Variants in SHTN1 observed in about 807,000 individuals in gnomAD.
The protein encoded by SHTN1 is shootin-1.
A neutral mutation model predicts 83.1 loss-of-function variants in SHTN1; 42 were observed. The observed-to-expected ratio is 0.51, with a 90% CI of 0.39 to 0.65. The LOEUF is 0.65. Among genes scored for constraint, SHTN1 ranks in the 30% least tolerant of loss-of-function variants. The probability of loss-of-function intolerance (pLI) is 0.00; values close to 1 mark genes in which losing one functional copy is unlikely to be tolerated. For synonymous variants in SHTN1, 224 were observed against 247.7 expected (o/e 0.90, Z 0.90); for missense variants, 622 against 737.8 (o/e 0.84, Z 1.82).
intron 1 of SHTN1, among the ~76,000 whole-genome samples, chr10:117,083,890 C>T (rs1284344449): frequency 6.6e-6 from 1 of 151,704 alleles, no homozygotes; most frequent in Non-Finnish European, 1.5e-5. Flanking sequence ...TGGTTTTCAG[C>T]TCCATCAGCT....
At chr10:116,973,893 C>G in intron 2 of SHTN1, 1 of 1,285,484 alleles carries the variant, frequency 7.8e-7, no homozygotes, top group Non-Finnish European at 1.0e-6. Flanking sequence ...AAAGGACCAT[C>G]AATTCATTTT....
At chr10:117,092,026 C>G (rs1853437145) in intron 1 of SHTN1, among the ~76,000 whole-genome samples, 1 of 152,098 alleles carries the variant, frequency 6.6e-6, no homozygotes, top group Admixed American at 6.5e-5. Context: ...TATTCTCAAC[C>G]CCTTATAAAT....
At chr10:116,959,918 T>C (rs1850121007) in intron 4 of SHTN1, among the ~76,000 whole-genome samples, 1 of 152,212 alleles carries the variant, frequency 6.6e-6, no homozygotes, top group African/African-American at 2.4e-5. Flanking sequence ...AATACTCACA[T>C]ACAAATGCTC....
intron 1 of SHTN1, among the ~76,000 whole-genome samples, chr10:117,052,699 T>C (rs1317427905): frequency 6.6e-6 from 1 of 151,924 alleles, no homozygotes; most frequent in African/African-American, 2.4e-5. Context: ...CAAGAGATGC[T>C]GAAACAACTG....
chr10:116,949,004 A>G lies in SHTN1; in HGVS notation c.535-7T>C. The G allele has an allele frequency of 1.3e-6, 2 of 1,545,170 alleles. No homozygotes were observed. Among genetic ancestry groups the G allele is most frequent in the Non-Finnish European group, 1.7e-6 (2 of 1,146,072 alleles). On this transcript the variant is annotated splice_region_variant and splice_polypyrimidine_tract_variant and intron_variant, in intron 6 of 16. Coordinates refer to ENST00000355371, the MANE Select transcript of SHTN1 (RefSeq NM_001127211.3). ...CTTGTTTAACTTTATTTACCTAAAA[A>G]TGTGAAATTTTGAGGGGAGAAAACA...
chr10:116,936,456 A>C (rs1849166069), intron 9 of SHTN1, among the ~76,000 whole-genome samples: 1 of 152,214 alleles, frequency 6.6e-6, no homozygotes, highest in Admixed American at 6.5e-5. Flanking sequence ...CAGGTTGTTC[A>C]GTTTCCAGAT....
At chr10:116,903,645 T>C (rs938797648) in intron 15 of SHTN1, among the ~76,000 whole-genome samples, 1 of 152,072 alleles carries the variant, frequency 6.6e-6, no homozygotes, top group South Asian at 2.1e-4. Context: ...TTCCTGAAAA[T>C]ATAAATACGA....
rs770883998 is a variant in SHTN1 at position 116,963,972 on chromosome 10, TG to T, written c.173-3743del. Among the ~76,000 whole-genome samples, 258 of 77,500 alleles carry T rather than the reference TG, an allele frequency of 3.3e-3. 3 individuals carry two copies. The highest frequency in any genetic ancestry group is 6.8e-3 in the Middle Eastern group (1 of 146). The allele number at this position is 77,500 out of a possible 152,430, so 50.8% of individuals were successfully genotyped here. ...AGTACACATCACATTGTAGGGTAAC[TG>T]TTTTTTTTTTTTTTTACTTGTTTTT... is the stretch of plus-strand genomic sequence containing the variant. On this transcript the variant is annotated intron_variant, in intron 3 of 16. Coordinates refer to ENST00000355371, the MANE Select transcript of SHTN1 (RefSeq NM_001127211.3).
chr10:116,994,472 A>C (rs1241070766), intron 1 of SHTN1, among the ~76,000 whole-genome samples: 4 of 152,108 alleles, frequency 2.6e-5, no homozygotes, highest in Non-Finnish European at 4.4e-5. Flanking sequence ...AGAAAATAAA[A>C]GATTTTTGTT....
At chr10:116,990,430 A>G (rs12253831) in intron 1 of SHTN1, among the ~76,000 whole-genome samples, 3,114 of 151,880 alleles carry the variant, frequency 0.021, 107 homozygotes, top group African/African-American at 0.071. Flanking sequence ...AGGGGGCACG[A>G]ATTGTCAGAT....
Position 116,893,756 on chromosome 10 carries a change from T to C in SHTN1, c.1674-7190A>G, listed in dbSNP as rs566517071. 5.9e-5 allele frequency among the ~76,000 whole-genome samples: 9 copies of C among 152,304 alleles called. 1 individual carries two copies. In the South Asian group the frequency reaches 1.9e-3, roughly 32 times the overall value. On this transcript the variant is annotated intron_variant, in intron 16 of 16. Coordinates refer to ENST00000355371, the MANE Select transcript of SHTN1 (RefSeq NM_001127211.3). ...CCAAACCTCTCTTAAGGAATGGTTA[T>C]ATGGCCAACTAAATTAATTTCCAGC... is the stretch of plus-strand genomic sequence containing the variant.
rs1847014099 is a variant in SHTN1, at chr10:116,881,557, C to A, written c.*4787G>T. On this transcript the variant is annotated 3_prime_UTR_variant, in exon 17 of 17. Transcript: ENST00000355371. ...ACTTTTTTTTACTTTAATGAGGAAGCTGAAAAGGCTGCGGAGGCACTTGAG... is the reference window on the plus strand; with the variant it reads ...ACTTTTTTTTACTTTAATGAGGAAGATGAAAAGGCTGCGGAGGCACTTGAG... The A allele has an allele frequency of 6.5e-7, 1 of 1,548,290 alleles. No homozygotes were observed. The highest frequency in any genetic ancestry group is 8.7e-7 in the Non-Finnish European group (1 of 1,146,366).
At chr10:117,087,752 C>CA (rs999885509) in intron 1 of SHTN1, among the ~76,000 whole-genome samples, 1 of 152,022 alleles carries the variant, frequency 6.6e-6, no homozygotes, top group African/African-American at 2.4e-5. Context: ...TTAAAGAAAG[C>CA]AAAAAGACAA....
Position 116,911,850 on chromosome 10 carries a change from T to C in SHTN1, c.1306-7A>G. 1 of 1,606,526 alleles carries C rather than the reference T, an allele frequency of 6.2e-7. No homozygotes were observed. Among genetic ancestry groups the C allele is most frequent in the Non-Finnish European group, 8.5e-7 (1 of 1,173,330 alleles). On this transcript the variant is annotated splice_region_variant and splice_polypyrimidine_tract_variant and intron_variant, in intron 13 of 16. Coordinates refer to ENST00000355371, the MANE Select transcript of SHTN1 (RefSeq NM_001127211.3). ...AGCCTTTCGAAGATTCTGGCTATAA[T>C]TTTAATAAGAAAGAAAAATCACTGA... is the stretch of plus-strand genomic sequence containing the variant.
intron 2 of SHTN1, among the ~76,000 whole-genome samples, chr10:117,044,962 T>A (rs1589909451): frequency 6.6e-6 from 1 of 152,204 alleles, no homozygotes; most frequent in Non-Finnish European, 1.5e-5. Context: ...TGTGCATATA[T>A]ATGCAGAGCA....
intron 4 of SHTN1, among the ~76,000 whole-genome samples, chr10:116,956,516 A>G (rs1176672043): frequency 6.6e-6 from 1 of 152,214 alleles, no homozygotes; most frequent in Non-Finnish European, 1.5e-5. Flanking sequence ...TTAGTTATTC[A>G]TAGTAAGAAG....
chr10:117,002,419 A>C (rs1423834980), intron 1 of SHTN1, among the ~76,000 whole-genome samples: 1 of 152,216 alleles, frequency 6.6e-6, no homozygotes, highest in Admixed American at 6.5e-5. Context: ...AGCATTATTA[A>C]GGGAAAATAA....
chr10:117,098,673 C>T (rs982587242), intron 1 of SHTN1, among the ~76,000 whole-genome samples: 1 of 152,056 alleles, frequency 6.6e-6, no homozygotes, highest in South Asian at 2.1e-4. Context: ...ATGATGTGGA[C>T]CTTACAAGTC....
At chr10:116,930,091 TTGAC>T (rs1248564983) in intron 9 of SHTN1, 89 bp from the exon 10 acceptor site, 2 of 805,572 alleles carry the variant, frequency 2.5e-6, no homozygotes, top group South Asian at 2.2e-5. Context: ...ATATTTCCCT[TTGAC>T]TGTACTTCAT....
Sources: allele counts gnomAD v4.1 joint callset (sites outside exome capture counted in the v4.1 genomes callset), GRCh38; gene constraint gnomAD v4.1.1; transcripts MANE v1.5; gene names NCBI Gene and HGNC (gene_info 2026-07-23, HGNC 2026-07-21).